The following ZEB1 variants were observed in gnomAD, a reference collection of about 807,000 sequenced individuals.
ZEB1 encodes the protein zinc finger E-box-binding homeobox 1.
Under a neutral mutation model 84.9 loss-of-function variants are expected in ZEB1, and 21 were observed. That is an observed-to-expected ratio of 0.25 (90% CI 0.18 to 0.36). ZEB1 has a LOEUF of 0.36. ZEB1 is among the 10% of genes least tolerant of loss of function. The pLI, the probability that ZEB1 is intolerant of heterozygous loss-of-function variation, is 1.00. For synonymous variants in ZEB1, 420 were observed against 471.1 expected (o/e 0.89, Z 1.41); for missense variants, 1,104 against 1,330.2 (o/e 0.83, Z 2.65).
chr10:31,452,581 G>A (rs2060691474), intron 1 of ZEB1, among the ~76,000 whole-genome samples: 5 of 152,034 alleles, frequency 3.3e-5, no homozygotes. Context: ...TAACACTTAA[G>A]TATATTGACT....
chr10:31,451,162 C>T (rs223531), intron 1 of ZEB1, among the ~76,000 whole-genome samples: 11,868 of 152,150 alleles, frequency 0.078, 660 homozygotes, highest in African/African-American at 0.16. Flanking sequence ...TTCTATAATA[C>T]AGTGATAATT....
chr10:31,384,668 A>C (rs2048310816), intron 1 of ZEB1, among the ~76,000 whole-genome samples: 1 of 152,354 alleles, frequency 6.6e-6, no homozygotes, highest in East Asian at 1.9e-4. Flanking sequence ...CTGTATTTGC[A>C]GGTGAAATGA....
At chr10:31,372,839 GT>G (rs1006937081) in intron 1 of ZEB1, among the ~76,000 whole-genome samples, 8 of 151,838 alleles carry the variant, frequency 5.3e-5, no homozygotes, top group African/African-American at 1.9e-4. Flanking sequence ...TCTTAAAAGC[GT>G]TTTCAGAAGA....
intron 1 of ZEB1, among the ~76,000 whole-genome samples, chr10:31,345,289 T>C (rs1010660104): frequency 1.3e-5 from 2 of 152,014 alleles, no homozygotes; most frequent in African/African-American, 4.8e-5. Flanking sequence ...TAGAAAAAAA[T>C]AGATTGGCAG....
intron 1 of ZEB1, among the ~76,000 whole-genome samples, chr10:31,413,123 G>A (rs2054605057): frequency 6.6e-6 from 1 of 152,118 alleles, no homozygotes; most frequent in African/African-American, 2.4e-5. Context: ...CACCTCATTT[G>A]CATGACATTA....
intron 1 of ZEB1, among the ~76,000 whole-genome samples, chr10:31,371,159 G>A (rs1161110608): frequency 6.6e-6 from 1 of 151,672 alleles, no homozygotes; most frequent in South Asian, 2.1e-4. Flanking sequence ...TATTCACACC[G>A]AGAGGATCAT....
chr10:31,387,366 G>A (rs570320043), intron 1 of ZEB1: 8 of 940,074 alleles, frequency 8.5e-6, no homozygotes, highest in East Asian at 1.2e-4. Context: ...TCAGACGTTC[G>A]CACAGAAGGG....
chr10:31,452,701 A>ATGTGTGTG (rs377004895), intron 1 of ZEB1, among the ~76,000 whole-genome samples: 1,446 of 90,094 alleles, frequency 0.016, 22 homozygotes, highest in African/African-American at 0.023. Flanking sequence ...TTAGGATAAA[A>ATGTGTGTG]TGTGTGTGTG....
rs2137113529 is a variant in ZEB1, at chr10:31,452,745, GA to G, written c.59-8291del. 5.4e-5 allele frequency among the ~76,000 whole-genome samples: 5 copies of G among 93,144 alleles called. No homozygotes were observed. The South Asian group carries it at 1.7e-3, about 32-fold the overall frequency. 61.1% of individuals were successfully genotyped at this position (93,144 alleles called of 152,430 possible). On this transcript the variant is annotated intron_variant, in intron 1 of 8. Transcript: ENST00000424869. ...TGTGTGTGTGTGTGTGTGTGTGTGAGAGAGAGAGAGAGAGAGAGAGAGAGAG... is the reference window on the plus strand; with the variant it reads ...TGTGTGTGTGTGTGTGTGTGTGTGAGGAGAGAGAGAGAGAGAGAGAGAGAG...
intron 1 of ZEB1, chr10:31,387,381 C>A: frequency 1.1e-6 from 1 of 878,966 alleles, no homozygotes; most frequent in Non-Finnish European, 1.4e-6. Flanking sequence ...GAAGGGAGGC[C>A]CTACCTGTGG....
In ZEB1 at chr10:31,523,851, T is replaced by C. The variant is rs896682865; in HGVS notation, c.2605-82T>C. 11 of 1,482,258 alleles carry C rather than the reference T, an allele frequency of 7.4e-6. No individual in the cohort carries two copies. The Admixed American group carries it at 1.4e-4, about 19-fold the overall frequency. The allele number at this position is 1,482,258 out of a possible 1,614,324, so 91.8% of individuals were successfully genotyped here. ...AGTATAAAAGTATAAGTTAAAGTAG[T>C]TCTTTATCTCATGCTTTTATGTATA... On this transcript the variant is annotated intron_variant, in intron 7 of 8. Transcript: ENST00000424869.
rs1282600761 is a variant in ZEB1 at position 31,460,958 on chromosome 10, C to CT, written c.59-73dup. 1.6e-5 allele frequency: 18 copies of CT among 1,155,632 alleles called. No homozygotes were observed. The East Asian group carries it at 4.3e-4, about 27-fold the overall frequency. The allele number at this position is 1,155,632 out of a possible 1,614,324, so 71.6% of individuals were successfully genotyped here. A position where few individuals can be genotyped will look rare whatever the true frequency, so the allele number is the denominator to read the frequency against. On this transcript the variant is annotated intron_variant, in intron 1 of 8. Transcript: ENST00000424869. ...TTGAATTACAATCTGTTTTAAGCAT[C>CT]TTTTTTATTTTTCTGAGATGTAAAA... is the stretch of plus-strand genomic sequence containing the variant.
At chr10:31,393,819 G>T (rs1430252280) in intron 1 of ZEB1, among the ~76,000 whole-genome samples, 3 of 152,104 alleles carry the variant, frequency 2.0e-5, no homozygotes, top group Non-Finnish European at 4.4e-5. Flanking sequence ...ATCTTTTTGT[G>T]TATAAACAAT....
intron 1 of ZEB1, among the ~76,000 whole-genome samples, chr10:31,335,660 C>T (rs1351278100): frequency 6.6e-6 from 1 of 152,120 alleles, no homozygotes; most frequent in Non-Finnish European, 1.5e-5. Context: ...CCAGCCCTAC[C>T]TTCTTTCCAC....
intron 1 of ZEB1, among the ~76,000 whole-genome samples, chr10:31,364,496 C>G (rs115472950): frequency 1.3e-5 from 2 of 152,196 alleles, no homozygotes; most frequent in African/African-American, 2.4e-5. Flanking sequence ...CCAGCCAGAT[C>G]GCGCCAGGCT....
chr10:31,319,162 G>A, upstream of ZEB1: 1 of 1,036,598 alleles, frequency 9.6e-7, no homozygotes, highest in Non-Finnish European at 1.4e-6. Context: ...AGGGGTGGAG[G>A]CGGAGGGGTG....
intron 2 of ZEB1, among the ~76,000 whole-genome samples, chr10:31,483,420 CT>C (rs1021795747): frequency 2.0e-5 from 3 of 151,818 alleles, no homozygotes; most frequent in Admixed American, 1.3e-4. Flanking sequence ...GCATGCTATT[CT>C]TTTTTTCTTA....
At chr10:31,353,626 G>A (rs1205539703) in intron 1 of ZEB1, among the ~76,000 whole-genome samples, 2 of 152,196 alleles carry the variant, frequency 1.3e-5, no homozygotes, top group Non-Finnish European at 2.9e-5. Context: ...CTGAATCAGA[G>A]AAAGAAGTCT....
chr10:31,461,690 G>T (rs1385544065), intron 2 of ZEB1, among the ~76,000 whole-genome samples: 1 of 152,054 alleles, frequency 6.6e-6, no homozygotes, highest in Non-Finnish European at 1.5e-5. Flanking sequence ...TAAGTAAGGT[G>T]GTTTTTTCAC....
Sources: allele counts gnomAD v4.1 joint callset (sites outside exome capture counted in the v4.1 genomes callset), GRCh38; gene constraint gnomAD v4.1.1; transcripts MANE v1.5; gene names NCBI Gene and HGNC (gene_info 2026-07-23, HGNC 2026-07-21).